Variants in PAX3 observed in about 807,000 individuals in gnomAD.
The protein encoded by PAX3 is paired box 3.
Under a neutral mutation model 51.6 loss-of-function variants are expected in PAX3, and 14 were observed. The observed-to-expected ratio is 0.27, with a 90% CI of 0.18 to 0.42. PAX3 has a LOEUF of 0.42. Ranked by LOEUF, PAX3 falls within the 10% of genes least tolerant of loss-of-function variation. The pLI, the probability that PAX3 is intolerant of heterozygous loss-of-function variation, is 1.00. For synonymous variants in PAX3, 280 were observed against 253.4 expected (o/e 1.11, Z -1.00); for missense variants, 540 against 642.8 (o/e 0.84, Z 1.73).
At chr2:222,229,058 C>T (rs576389722) in intron 5 of PAX3, among the ~76,000 whole-genome samples, 1 of 151,936 alleles carries the variant, frequency 6.6e-6, no homozygotes, top group African/African-American at 2.4e-5. Context: ...CATGATTGGA[C>T]CTCACATAAC....
chr2:222,281,961 C>T (rs1694662380), intron 4 of PAX3, among the ~76,000 whole-genome samples: 1 of 152,208 alleles, frequency 6.6e-6, no homozygotes, highest in Non-Finnish European at 1.5e-5. Flanking sequence ...GAAAATGCAT[C>T]CTCCTGCCTT....
At chr2:222,295,767 CG>C in intron 2 of PAX3, 110 bp from the exon 3 acceptor site, 1 of 1,295,460 alleles carries the variant, frequency 7.7e-7, no homozygotes, top group Non-Finnish European at 1.1e-6. Context: ...TCCTCTGGGA[CG>C]GTCCCCCTTT....
At position 222,232,062 on chromosome 2, in the gene PAX3, G is replaced by A. The variant is rs1333340808; in HGVS notation, c.792+16C>T. 1 of 1,611,866 alleles carries A rather than the reference G, an allele frequency of 6.2e-7. No homozygotes were observed. Among genetic ancestry groups the A allele is most frequent in the African/African-American group, 1.3e-5 (1 of 74,874 alleles). On this transcript the variant is annotated intron_variant, in intron 5 of 8. Coordinates refer to ENST00000392070, the MANE Select transcript of PAX3 (RefSeq NM_181458.4). ...GTCTGGACTGAAGTAGGACACGGAG[G>A]TTTGGGCAACAGTACCTGTACTCGG...
At chr2:222,247,609 T>C (rs2106120267) in intron 4 of PAX3, among the ~76,000 whole-genome samples, 1 of 152,138 alleles carries the variant, frequency 6.6e-6, no homozygotes, top group South Asian at 2.1e-4. Flanking sequence ...ATCTCTTGAG[T>C]TCTAAATTCT....
chr2:222,295,748 C>G, intron 2 of PAX3, 91 bp from the exon 3 acceptor site: 3 of 1,425,404 alleles, frequency 2.1e-6, no homozygotes, highest in Non-Finnish European at 3.0e-6. Context: ...CGGGATGCTC[C>G]TCGCTGAATC....
At chr2:222,269,398 G>T (rs771751515) in intron 4 of PAX3, among the ~76,000 whole-genome samples, 11 of 152,126 alleles carry the variant, frequency 7.2e-5, no homozygotes, top group Non-Finnish European at 1.0e-4. Flanking sequence ...CAATGCGAGT[G>T]CCAAAAGAGA....
chr2:222,286,767 C>G (rs1335843564), intron 4 of PAX3, among the ~76,000 whole-genome samples: 1 of 152,244 alleles, frequency 6.6e-6, no homozygotes, highest in Admixed American at 6.5e-5. Flanking sequence ...ACAGAAATTA[C>G]CTGTTGGTGG....
At chr2:222,269,041 A>T (rs1009203232) in intron 4 of PAX3, among the ~76,000 whole-genome samples, 1 of 152,210 alleles carries the variant, frequency 6.6e-6, no homozygotes, top group Non-Finnish European at 1.5e-5. Flanking sequence ...TTTTCCCAAG[A>T]TAATTAGGTA....
intron 4 of PAX3, among the ~76,000 whole-genome samples, chr2:222,277,148 G>GA (rs61389252): frequency 4.5e-4 from 68 of 150,300 alleles, no homozygotes; most frequent in South Asian, 8.4e-4. Context: ...GGCTCCTCTT[G>GA]AAAAAAAAAT....
rs1170362886 is a variant in PAX3 at position 222,298,717 on chromosome 2, C to G, written c.-102G>C. The G allele has an allele frequency of 1.7e-6, 2 of 1,176,366 alleles. No homozygotes were observed. Among genetic ancestry groups the G allele is most frequent in the Admixed American group, 4.0e-5 (2 of 50,532 alleles). The allele number at this position is 1,176,366 out of a possible 1,614,324, so 72.9% of individuals were successfully genotyped here. A position where few individuals can be genotyped will look rare whatever the true frequency, so the allele number is the denominator to read the frequency against. On this transcript the variant is annotated 5_prime_UTR_variant, in exon 1 of 9. Transcript: ENST00000392070. ...CGGGAACTATCCGGAGCGTGGAGAG[C>G]CCCTCCCCAAAACGGCTGGAGAGAG...
At chr2:222,258,085 C>T (rs1693714135) in intron 4 of PAX3, among the ~76,000 whole-genome samples, 1 of 152,136 alleles carries the variant, frequency 6.6e-6, no homozygotes. Context: ...AAGTTAAATC[C>T]AATTAAGATG....
At chr2:222,262,367 A>AT (rs1243752626) in intron 4 of PAX3, among the ~76,000 whole-genome samples, 1 of 151,842 alleles carries the variant, frequency 6.6e-6, no homozygotes, top group Non-Finnish European at 1.5e-5. Flanking sequence ...TGACAATTCT[A>AT]TTTTTTTTCT....
chr2:222,290,269 T>C lies in PAX3; in HGVS notation c.586+3898A>G, dbSNP rs893520441. 6.6e-5 allele frequency among the ~76,000 whole-genome samples: 10 copies of C among 152,340 alleles called. No homozygotes were observed. In the East Asian group the frequency reaches 1.3e-3, roughly 21 times the overall value. ...CCTCCCCCCCAAAAAGCTGAAGTCGTCCTCGTTAACTTTACAAAAGCTGAC... is the reference window on the plus strand; with the variant it reads ...CCTCCCCCCCAAAAAGCTGAAGTCGCCCTCGTTAACTTTACAAAAGCTGAC... On this transcript the variant is annotated intron_variant, in intron 4 of 8. Coordinates refer to ENST00000392070, the MANE Select transcript of PAX3 (RefSeq NM_181458.4).
chr2:222,218,821 C>T (rs1369346989), intron 7 of PAX3, among the ~76,000 whole-genome samples: 1 of 151,842 alleles, frequency 6.6e-6, no homozygotes, highest in African/African-American at 2.4e-5. Flanking sequence ...TTTTTTATCC[C>T]AGGATGTGCT....
At chr2:222,237,637 T>C (rs958481360) in intron 4 of PAX3, among the ~76,000 whole-genome samples, 3 of 152,186 alleles carry the variant, frequency 2.0e-5, no homozygotes, top group Non-Finnish European at 4.4e-5. Context: ...AAATCAACTT[T>C]GCCAAGATAT....
At chr2:222,254,861 C>T (rs1693578856) in intron 4 of PAX3, among the ~76,000 whole-genome samples, 1 of 152,122 alleles carries the variant, frequency 6.6e-6, no homozygotes. Flanking sequence ...CATCTCACTG[C>T]AACCTCCGCC....
rs138347033 is a variant in PAX3, at chr2:222,222,724, T to C, written c.793-1337A>G. On this transcript the variant is annotated intron_variant, in intron 5 of 8. Coordinates refer to ENST00000392070, the MANE Select transcript of PAX3 (RefSeq NM_181458.4). ...ATGGAGGAAAGCACTGTGTTTGGGG[T>C]TGGAAGGATATAAAGGGAATCAAGT... Among the ~76,000 whole-genome samples the C allele has an allele frequency of 4.6e-5, 7 of 152,082 alleles. No individual in the cohort carries two copies. The East Asian group carries it at 1.4e-3, about 30-fold the overall frequency.
At chr2:222,244,645 C>A (rs796734774) in intron 4 of PAX3, among the ~76,000 whole-genome samples, 1 of 151,444 alleles carries the variant, frequency 6.6e-6, no homozygotes, top group East Asian at 1.9e-4. Flanking sequence ...TTGTAGAAGT[C>A]CCAGAATGTG....
chr2:222,240,293 G>A lies in PAX3; in HGVS notation c.587-8010C>T, dbSNP rs75180166. ...TAAGGGCTGACAAGCAGAGGTTGGC[G>A]GCACGGCAAGCTGCCTCTGAAGTGC... On this transcript the variant is annotated intron_variant, in intron 4 of 8. Transcript: ENST00000392070. Among the ~76,000 whole-genome samples the A allele has an allele frequency of 1.8e-3, 274 of 152,200 alleles. 1 individual carries two copies. The highest frequency in any genetic ancestry group is 8.5e-3 in the East Asian group (44 of 5,160).
Sources: gnomAD v4.1 joint callset for allele counts (sites outside exome capture counted in the v4.1 genomes callset) on GRCh38, gnomAD v4.1.1 for gene constraint, MANE v1.5 for transcripts, NCBI Gene and HGNC (gene_info 2026-07-23, HGNC 2026-07-21) for gene names.